The following GRIK4 variants were observed in gnomAD, a reference collection of about 807,000 sequenced individuals.
GRIK4 encodes glutamate ionotropic receptor kainate type subunit 4.
GRIK4 carries 40 observed loss-of-function variants against 104.9 expected under a neutral mutation model. The ratio of observed to expected loss-of-function variants is 0.38; its 90% CI spans 0.30 to 0.50. GRIK4 has a LOEUF of 0.50. Among genes scored for constraint, GRIK4 ranks in the 20% least tolerant of loss-of-function variants. The probability of loss-of-function intolerance (pLI) is 0.93; values close to 1 mark genes in which losing one functional copy is unlikely to be tolerated. For synonymous variants in GRIK4, 485 were observed against 524.9 expected, an observed-to-expected ratio of 0.92 and a Z score of 1.04; for missense variants, 1,047 against 1,308.1, an observed-to-expected ratio of 0.80 and a Z score of 3.08.
intron 3 of GRIK4, among the ~76,000 whole-genome samples, chr11:120,727,073 G>A (rs1162359853): frequency 6.6e-6 from 1 of 152,158 alleles, no homozygotes; most frequent in Non-Finnish European, 1.5e-5. Flanking sequence ...CCACAAACTA[G>A]CAACAGATTT....
intron 1 of GRIK4, among the ~76,000 whole-genome samples, chr11:120,521,341 G>A (rs2136073984): frequency 6.6e-6 from 1 of 152,150 alleles, no homozygotes; most frequent in Middle Eastern, 3.4e-3. Context: ...AAAAGTGCTG[G>A]GATTACAGGT....
chr11:120,881,546 T>C (rs1211588552), intron 11 of GRIK4, among the ~76,000 whole-genome samples: 1 of 152,208 alleles, frequency 6.6e-6, no homozygotes, highest in East Asian at 1.9e-4. Flanking sequence ...CTGGAATGAT[T>C]TGAGTTCTAA....
At chr11:120,570,229 TG>T (rs772739183) in intron 1 of GRIK4, among the ~76,000 whole-genome samples, 10 of 152,194 alleles carry the variant, frequency 6.6e-5, no homozygotes, top group Non-Finnish European at 1.5e-4. Flanking sequence ...AAAAAGCTAT[TG>T]TGATAATTAC....
At chr11:120,820,087 G>T (rs1037757712) in intron 6 of GRIK4, among the ~76,000 whole-genome samples, 167 bp downstream of exon 6, 16 of 69,062 alleles carry the variant, frequency 2.3e-4, no homozygotes, top group African/African-American at 7.8e-4. Context: ...GTGTCCGTGT[G>T]TGTGTGTGTG....
intron 1 of GRIK4, among the ~76,000 whole-genome samples, chr11:120,624,643 C>T (rs994837833): frequency 2.0e-5 from 3 of 152,156 alleles, no homozygotes; most frequent in Admixed American, 1.3e-4. Context: ...CACTTCATCT[C>T]GTACCCTGCC....
chr11:120,836,592 C>A (rs181747002), intron 7 of GRIK4, among the ~76,000 whole-genome samples, 199 bp from the exon 8 acceptor site: 1 of 152,276 alleles, frequency 6.6e-6, no homozygotes, highest in Admixed American at 6.5e-5. Flanking sequence ...GGTGGAGAGA[C>A]CCCGCTCTTG....
At chr11:120,788,691 C>G (rs1346043622) in intron 3 of GRIK4, among the ~76,000 whole-genome samples, 1 of 152,112 alleles carries the variant, frequency 6.6e-6, no homozygotes, top group African/African-American at 2.4e-5. Flanking sequence ...AGAAAGCGCT[C>G]CTTTCTGCTG....
intron 6 of GRIK4, among the ~76,000 whole-genome samples, chr11:120,828,191 T>C (rs1250082915): frequency 1.3e-5 from 2 of 152,224 alleles, no homozygotes; most frequent in Admixed American, 1.3e-4. Context: ...ACTGGGGTTA[T>C]GCAGGGAAGT....
At chr11:120,621,571 T>C (rs1274593840) in intron 1 of GRIK4, among the ~76,000 whole-genome samples, 1 of 152,180 alleles carries the variant, frequency 6.6e-6, no homozygotes, top group African/African-American at 2.4e-5. Context: ...GTGAAGGTCC[T>C]GGCATCCTCA....
intron 3 of GRIK4, among the ~76,000 whole-genome samples, chr11:120,774,728 G>A (rs1046270804): frequency 4.6e-5 from 7 of 152,190 alleles, no homozygotes; most frequent in African/African-American, 7.2e-5. Flanking sequence ...GAATAGGGAG[G>A]TGGGGTGATC....
At position 120,986,058 on chromosome 11, in the gene GRIK4, G is replaced by T; in HGVS notation, c.2669G>T (p.Gly890Val). The T allele has an allele frequency of 6.6e-7, 1 of 1,521,780 alleles. No individual in the cohort carries two copies. Among genetic ancestry groups the T allele is most frequent in the East Asian group, 2.6e-5 (1 of 38,196 alleles). 94.3% of individuals were successfully genotyped at this position (1,521,780 alleles called of 1,614,324 possible). A position where few individuals can be genotyped will look rare whatever the true frequency, so the allele number is the denominator to read the frequency against. ...RPRGTATLSN[G>V]KLCGAGEPDQ... ...CGGGGCACGGCGACGCTCAGCAACG[G>T]GAAGCTGTGCGGGGCAGGGGAGCCC... Residue 890 changes from glycine (G) to valine (V), a missense_variant, in exon 21 of 21, where the codon GGG becomes GTG. Physicochemically the swap from Gly to Val is moderately radical, Grantham distance 109. Around this residue, in one of 3 missense-constraint regions of GRIK4, gnomAD observed 160 missense variants for 140.9 expected, o/e 1.14. Transcript: ENST00000527524.
At chr11:120,602,125 G>A (rs1478246331) in intron 1 of GRIK4, among the ~76,000 whole-genome samples, 2 of 152,076 alleles carry the variant, frequency 1.3e-5, no homozygotes, top group African/African-American at 2.4e-5. Context: ...TTCATCCAGC[G>A]GCTCCTTACA....
At chr11:120,700,368 G>C (rs901055501) in intron 3 of GRIK4, among the ~76,000 whole-genome samples, 1 of 151,282 alleles carries the variant, frequency 6.6e-6, no homozygotes, top group Non-Finnish European at 1.5e-5. Flanking sequence ...TTGCCTCCTG[G>C]GTTCAAGCGA....
chr11:120,743,804 C>A (rs1037640887), intron 3 of GRIK4, among the ~76,000 whole-genome samples: 1 of 152,186 alleles, frequency 6.6e-6, no homozygotes, highest in Non-Finnish European at 1.5e-5. Context: ...AGTCAGCTAA[C>A]GCTGTTGGGC....
intron 3 of GRIK4, among the ~76,000 whole-genome samples, chr11:120,732,386 G>A (rs1951149573): frequency 1.3e-5 from 2 of 152,080 alleles, no homozygotes; most frequent in Admixed American, 1.3e-4. Flanking sequence ...GCCCGCCTTG[G>A]CCTCCCAAAG....
At chr11:120,888,632 A>G (rs1177616886) in intron 11 of GRIK4, among the ~76,000 whole-genome samples, 1 of 152,310 alleles carries the variant, frequency 6.6e-6, no homozygotes, top group Non-Finnish European at 1.5e-5. Flanking sequence ...AGAGTAGTGA[A>G]CAGATAGAGT....
rs1025769147 is a variant in GRIK4 at position 120,790,236 on chromosome 11, A to G, written c.83-12457A>G. 6.6e-5 allele frequency among the ~76,000 whole-genome samples: 10 copies of G among 152,188 alleles called. 1 individual carries two copies. The highest frequency in any genetic ancestry group is 2.2e-4 in the African/African-American group (9 of 41,424). On this transcript the variant is annotated intron_variant, in intron 3 of 20. Coordinates refer to ENST00000527524, the MANE Select transcript of GRIK4 (RefSeq NM_014619.5). Reference sequence around the variant, plus strand: ...CTGCATACATAGTGCCTTGCTTAAGATAGGTGTTTAATAGGTATTTGGTGA... The same window carrying G: ...CTGCATACATAGTGCCTTGCTTAAGGTAGGTGTTTAATAGGTATTTGGTGA...
rs115459073 is a variant in GRIK4 at position 120,755,337 on chromosome 11, T to C, written c.83-47356T>C. ...AACTGTTTAAAAAGCATTTACTCGG[T>C]GGCTCACACCTATAATCCCAGCACT... On this transcript the variant is annotated intron_variant, in intron 3 of 20. Coordinates refer to ENST00000527524, the MANE Select transcript of GRIK4 (RefSeq NM_014619.5). Among the ~76,000 whole-genome samples, 492 of 152,276 alleles carry C rather than the reference T, an allele frequency of 3.2e-3. 3 individuals carry two copies. The highest frequency in any genetic ancestry group is 0.011 in the African/African-American group (467 of 41,558).
rs960790368 is a variant in GRIK4 at position 120,854,794 on chromosome 11, C to T, written c.745-7165C>T. Among the ~76,000 whole-genome samples the T allele has an allele frequency of 2.6e-5, 4 of 151,918 alleles. No homozygotes were observed. In the East Asian group the frequency reaches 5.8e-4, roughly 22 times the overall value. On this transcript the variant is annotated intron_variant, in intron 8 of 20. Transcript: ENST00000527524. ...AATGGCACAGTGAAGTCTTATTTCC[C>T]CCATTTTAAAATGAGGAAACTTTTC... is the stretch of plus-strand genomic sequence containing the variant.
Sources: allele counts gnomAD v4.1 joint callset (sites outside exome capture counted in the v4.1 genomes callset), GRCh38; gene constraint gnomAD v4.1.1; regional missense constraint gnomAD v4.1.1; transcripts MANE v1.5; gene names NCBI Gene and HGNC (gene_info 2026-07-23, HGNC 2026-07-21).